TYRO3: variants seen among roughly 807,000 people sequenced by gnomAD.
TYRO3 encodes tyrosine-protein kinase receptor TYRO3.
In TYRO3, 38 loss-of-function variants were observed where a neutral mutation model predicts 95.2. The ratio of observed to expected loss-of-function variants is 0.40; its 90% CI spans 0.31 to 0.52. TYRO3 has a LOEUF of 0.52. Ranked by LOEUF, TYRO3 falls within the 20% of genes least tolerant of loss-of-function variation. The pLI is 0.56. For synonymous variants in TYRO3, 367 were observed against 432.9 expected (o/e 0.85, Z 1.89); for missense variants, 812 against 1,116.4 (o/e 0.73, Z 3.89).
chr15:41,577,032 C>T (rs551301272), intron 18 of TYRO3, among the ~76,000 whole-genome samples: 39 of 152,210 alleles, frequency 2.6e-4, no homozygotes, highest in African/African-American at 4.8e-4. Context: ...TCAACCCCCT[C>T]GCTTCAAATC....
chr15:41,561,513 G>A (rs946286610), intron 2 of TYRO3, 26 bp from the exon 3 acceptor site: 2 of 1,557,074 alleles, frequency 1.3e-6, no homozygotes, highest in Non-Finnish European at 1.7e-6. Flanking sequence ...GCCCTCGGAA[G>A]CAAGCCTCGT....
rs116540200 is a variant in TYRO3, at chr15:41,573,345, G to A, written c.2023G>A (p.Gly675Arg). 7.1e-4 allele frequency: 1,141 copies of A among 1,611,858 alleles called. No individual in the cohort carries two copies. The African/African-American group carries it at 0.013, about 18-fold the overall frequency. ...CATGACAGTGTGTGTGGCTGACTTC[G>A]GACTCTCCCGGAAGATCTACAGTGG... ...EDMTVCVADF[G>R]LSRKIYSGDY... Residue 675 changes from glycine to arginine, a missense_variant, in exon 17 of 19, where the codon GGA becomes AGA. By Grantham distance (125) the Gly-to-Arg change is moderately radical. Coordinates refer to ENST00000263798, the MANE Select transcript of TYRO3 (RefSeq NM_006293.4).
intron 3 of TYRO3, chr15:41,561,948 G>C (rs189983754): frequency 1.5e-3 from 413 of 276,358 alleles, no homozygotes; most frequent in Non-Finnish European, 2.5e-3. Flanking sequence ...TGGCCAGCAG[G>C]GGGAGGGGAG....
In TYRO3 at chr15:41,578,048, G is replaced by T. The variant is rs61553785; in HGVS notation, c.2445G>T (p.Ala815=). ...TCGAGAGAGCTGAGGAGCCCACTGC[G>T]GGAGGCAGCCTGGAGCTACCTGGCA... ...INIERAEEPT[A]GGSLELPGRD... The change falls in exon 19 of 19, where the codon GCG becomes GCT. Residue 815 remains alanine (A), a synonymous_variant. Coordinates refer to ENST00000263798, the MANE Select transcript of TYRO3 (RefSeq NM_006293.4). 4.1e-4 allele frequency: 664 copies of T among 1,614,080 alleles called. 2 individuals carry two copies. The African/African-American group carries it at 6.8e-3, about 17-fold the overall frequency.
chr15:41,569,184 A>T (rs2055763777), intron 9 of TYRO3, among the ~76,000 whole-genome samples, 162 bp downstream of exon 9: 1 of 151,718 alleles, frequency 6.6e-6, no homozygotes, highest in Non-Finnish European at 1.5e-5. Context: ...TTGGCTGGGC[A>T]TGGTGGCTCA....
rs1360236283 is a variant in TYRO3 at position 41,568,197 on chromosome 15, T to G, written c.962-20T>G. On this transcript the variant is annotated intron_variant, in intron 7 of 18. Transcript: ENST00000263798. The stretch of plus-strand genomic sequence containing the variant: ...GTGGGAAGGGCAGGGGTCTTAGCAA[T>G]CTTCTCTCTTTGGCTGCAGCCCCAG... 1 of 1,609,494 alleles carries G rather than the reference T, an allele frequency of 6.2e-7. No individual in the cohort carries two copies. Among genetic ancestry groups the G allele is most frequent in the Admixed American group, 1.7e-5 (1 of 59,952 alleles).
chr15:41,570,398 T>C (rs2055780859), intron 11 of TYRO3, 58 bp downstream of exon 11: 2 of 1,428,756 alleles, frequency 1.4e-6, no homozygotes, highest in African/African-American at 2.8e-5. Flanking sequence ...CCATCTGCAT[T>C]CTTTTACCAA....
rs1449569010 is a variant in TYRO3, at chr15:41,583,544, C to T, written c.*5268C>T. ...ATCCCAATTACATGTGCCAGTGTCA[C>T]TGCTACACTAATTGAATTACTATAA... On this transcript the variant is annotated 3_prime_UTR_variant, in exon 19 of 19. Transcript: ENST00000263798. The T allele has an allele frequency of 6.6e-6, 1 of 152,206 alleles. No homozygotes were observed. Among genetic ancestry groups the T allele is most frequent in the Non-Finnish European group, 1.5e-5 (1 of 68,050 alleles). The allele number at this position is 152,206 out of a possible 1,614,324, so 9.4% of individuals were successfully genotyped here.
chr15:41,561,529 G>C lies in TYRO3; in HGVS notation c.309-10G>C, dbSNP rs374013940. On this transcript the variant is annotated splice_polypyrimidine_tract_variant and intron_variant, in intron 2 of 18. Coordinates refer to ENST00000263798, the MANE Select transcript of TYRO3 (RefSeq NM_006293.4). The stretch of plus-strand genomic sequence containing the variant: ...CCCTCGGAAGCAAGCCTCGTATCCT[G>C]TTTCCACAGCCTGAAGTCAGTGGAG... 40 of 1,569,686 alleles carry C rather than the reference G, an allele frequency of 2.5e-5. No homozygotes were observed. Among genetic ancestry groups the C allele is most frequent in the Non-Finnish European group, 3.0e-5 (35 of 1,158,208 alleles).
chr15:41,569,898 C>A (rs1481200776), intron 9 of TYRO3, 129 bp from the exon 10 acceptor site: 26 of 1,186,488 alleles, frequency 2.2e-5, no homozygotes, highest in Non-Finnish European at 3.0e-5. Context: ...TCCTCTGGAG[C>A]CCCTTTCCCT....
rs1230513192 is a variant in TYRO3 at position 41,570,620 on chromosome 15, C to T, written c.1500C>T (p.Ile500=). Residue 500 remains isoleucine (I), a synonymous_variant, in exon 12 of 19, where the codon ATC becomes ATT. Coordinates refer to ENST00000263798, the MANE Select transcript of TYRO3 (RefSeq NM_006293.4). ...TCCCCACAGTGGACAGCTTGGGCAT[C>T]AGCGATGAACTAAAGGAAAAACTGG... ...RIEATLDSLG[I]SDELKEKLED... The T allele has an allele frequency of 6.2e-7, 1 of 1,614,040 alleles. No homozygotes were observed. The highest frequency in any genetic ancestry group is 8.5e-7 in the Non-Finnish European group (1 of 1,180,036).
chr15:41,569,190 G>A (rs141382699), intron 9 of TYRO3, among the ~76,000 whole-genome samples, 168 bp downstream of exon 9: 1 of 151,920 alleles, frequency 6.6e-6, no homozygotes, highest in Non-Finnish European at 1.5e-5. Context: ...GGGCATGGTG[G>A]CTCATGCCTG....
In TYRO3 at chr15:41,564,248, C is replaced by G. The variant is rs776248558; in HGVS notation, c.645C>G (p.Arg215=). 6.2e-7 allele frequency: 1 copy of G among 1,614,138 alleles called. No individual in the cohort carries two copies. The highest frequency in any genetic ancestry group is 1.1e-5 in the South Asian group (1 of 91,082). The change falls in exon 5 of 19, where the codon CGC becomes CGG. Residue 215 remains arginine, a synonymous_variant. Transcript: ENST00000263798. ...AHNLKGLASS[R]TATVHLQALP... ...ACCTAAAAGGCCTGGCCTCTTCTCG[C>G]ACAGCCACTGTTCACCTTCAAGGTA...
intron 8 of TYRO3, among the ~76,000 whole-genome samples, 161 bp downstream of exon 8, chr15:41,568,523 C>G (rs1289459115): frequency 6.6e-6 from 1 of 152,152 alleles, no homozygotes; most frequent in Non-Finnish European, 1.5e-5. Context: ...CTCCACTTCT[C>G]AAAGGATTAT....
intron 15 of TYRO3, 35 bp downstream of exon 15, chr15:41,572,599 C>T (rs774823885): frequency 2.9e-5 from 34 of 1,180,184 alleles, no homozygotes; most frequent in African/African-American, 9.1e-5. Flanking sequence ...CAGGAGGAAA[C>T]GGGTGGGAAC....
At chr15:41,569,089 G>T in intron 9 of TYRO3, 67 bp downstream of exon 9, 1 of 1,575,834 alleles carries the variant, frequency 6.3e-7, no homozygotes, top group Admixed American at 1.7e-5. Flanking sequence ...AACCTAGACT[G>T]ATGGGAGGAG....
Position 41,578,547 on chromosome 15 carries a change from T to A in TYRO3, c.*271T>A, listed in dbSNP as rs1595507691. Reference sequence around the variant, plus strand: ...TCTGAACCCAGGCAGCTGGCAGGAGTGGGGTGGTTATGTTTCCATGGTTAC... The same window carrying A: ...TCTGAACCCAGGCAGCTGGCAGGAGAGGGGTGGTTATGTTTCCATGGTTAC... On this transcript the variant is annotated 3_prime_UTR_variant, in exon 19 of 19. Transcript: ENST00000263798. 1.9e-6 allele frequency: 1 copy of A among 529,590 alleles called. No homozygotes were observed. The highest frequency in any genetic ancestry group is 3.3e-6 in the Non-Finnish European group (1 of 298,912). The allele number at this position is 529,590 out of a possible 1,614,324, so 32.8% of individuals were successfully genotyped here. A position where few individuals can be genotyped will look rare whatever the true frequency, so the allele number is the denominator to read the frequency against.
At chr15:41,562,331 C>CAAAAAAAAAAAAAA (rs11363130) in intron 3 of TYRO3, 1 of 167,210 alleles carries the variant, frequency 6.0e-6, no homozygotes, top group African/African-American at 4.0e-5. Context: ...CGACCAATCT[C>CAAAAAAAAAAAAAA]AAAAAAAAAA....
chr15:41,583,156 C>T lies in TYRO3; in HGVS notation c.*4880C>T, dbSNP rs1224517727. 1 of 151,938 alleles carries T rather than the reference C, an allele frequency of 6.6e-6. No individual in the cohort carries two copies. The highest frequency in any genetic ancestry group is 1.9e-4 in the East Asian group (1 of 5,186). The allele number at this position is 151,938 out of a possible 1,614,324, so 9.4% of individuals were successfully genotyped here. On this transcript the variant is annotated 3_prime_UTR_variant, in exon 19 of 19. Transcript: ENST00000263798. ...GGACTACAGGCACGTGCCACCACAA[C>T]ATGCTAATTTTTTGTATTTTTAGTA...
Sources: gnomAD v4.1 joint callset for allele counts (sites outside exome capture counted in the v4.1 genomes callset) on GRCh38, gnomAD v4.1.1 for gene constraint, MANE v1.5 for transcripts, NCBI Gene and HGNC (gene_info 2026-07-23, HGNC 2026-07-21) for gene names.